USP28: variants seen among roughly 807,000 people sequenced by gnomAD.
The protein encoded by USP28 is ubiquitin specific peptidase 28, also known as ubiquitin carboxyl-terminal hydrolase 28.
Under a neutral mutation model 145.0 loss-of-function variants are expected in USP28, and 113 were observed. The observed-to-expected ratio is 0.78, with a 90% confidence interval of 0.67 to 0.91. USP28 has a LOEUF of 0.91. Among genes scored for constraint, USP28 ranks in the 40% least tolerant of loss-of-function variants. The pLI is 0.00. For missense variants in USP28, 1,201 were observed against 1,289.6 expected (o/e 0.93, Z 1.05); for synonymous variants, 447 against 450.9 (o/e 0.99, Z 0.11).
intron 3 of USP28, among the ~76,000 whole-genome samples, chr11:113,850,771 T>C (rs950425190): frequency 1.7e-4 from 26 of 152,260 alleles, no homozygotes; most frequent in African/African-American, 6.3e-4. Context: ...ACCCACTCCC[T>C]TGGAGAGCTC....
At chr11:113,816,819 A>G (rs1591210886) in intron 13 of USP28, among the ~76,000 whole-genome samples, 1 of 152,344 alleles carries the variant, frequency 6.6e-6, no homozygotes, top group East Asian at 1.9e-4. Flanking sequence ...AAAATTAAAA[A>G]ATTTAAGTAG....
At chr11:113,797,924 A>G (rs1215525811) in exon 25 of USP28, 1 of 152,596 alleles carries the variant, frequency 6.6e-6, no homozygotes, top group East Asian at 1.9e-4. Flanking sequence ...TAGTTGTATC[A>G]ATTTTTTTCC....
chr11:113,827,458 G>A, intron 10 of USP28, 98 bp from the exon 11 acceptor site: 5 of 1,306,632 alleles, frequency 3.8e-6, no homozygotes, highest in Admixed American at 3.0e-5. Flanking sequence ...TTCTTCCTTT[G>A]GTATAGAACT....
At chr11:113,839,507 C>A (rs959849116) in intron 5 of USP28, among the ~76,000 whole-genome samples, 2 of 152,122 alleles carry the variant, frequency 1.3e-5, no homozygotes, top group African/African-American at 4.8e-5. Context: ...ATCCCTTGAA[C>A]CTGGGAGGCA....
exon 19 of USP28, chr11:113,806,550 A>G (rs923281222): frequency 1.8e-5 from 29 of 1,600,646 alleles, no homozygotes; most frequent in Non-Finnish European, 2.4e-5. Flanking sequence ...AGCTATGGCC[A>G]GGATGACCCC....
Position 113,854,215 on chromosome 11 carries a change from G to A in USP28, c.135+43C>T, listed in dbSNP as rs200057772. The A allele has an allele frequency of 2.1e-4, 328 of 1,536,560 alleles. No individual in the cohort carries two copies. In the African/African-American group the frequency reaches 4.1e-3, roughly 19 times the overall value. On this transcript the variant is annotated intron_variant, in intron 2 of 24. Coordinates refer to ENST00000003302, the Ensembl canonical transcript of USP28. ...AACTGACATAACTATAATATAGACA[G>A]CTGCTTTAAAGCCTCCTGACTAACA...
chr11:113,847,095 C>G (rs1945944553), intron 3 of USP28, among the ~76,000 whole-genome samples: 1 of 151,736 alleles, frequency 6.6e-6, no homozygotes, highest in Non-Finnish European at 1.5e-5. Context: ...TTATTTTTAC[C>G]AAAATAATGA....
intron 5 of USP28, among the ~76,000 whole-genome samples, 200 bp downstream of exon 5, chr11:113,840,398 T>A (rs550789264): frequency 6.6e-6 from 1 of 152,308 alleles, no homozygotes; most frequent in Non-Finnish European, 1.5e-5. Context: ...TTCAATATAT[T>A]TACAACCACA....
chr11:113,871,507 C>T (rs1374349517), intron 1 of USP28, among the ~76,000 whole-genome samples: 2 of 152,200 alleles, frequency 1.3e-5, no homozygotes, highest in Admixed American at 6.5e-5. Context: ...CTACGCACTA[C>T]ATTCCAGTAG....
chr11:113,823,524 GAGTTAATTTTTAAAGAAAAACAAATTATC>G, intron 12 of USP28, 52 bp downstream of exon 12: 1 of 1,091,398 alleles, frequency 9.2e-7, no homozygotes, highest in Admixed American at 2.6e-5. Flanking sequence ...TTTAAACGTT[GAGTTAATTTTTAAAGAAAAACAAATTATC>G]TGTTTTTAAT....
At chr11:113,813,982 T>G (rs766679709) in intron 14 of USP28, 27 bp from the exon 15 acceptor site, 1 of 1,541,946 alleles carries the variant, frequency 6.5e-7, no homozygotes, top group Non-Finnish European at 8.9e-7. Flanking sequence ...AAACAAAAGC[T>G]TCACTAAAAT....
intron 1 of USP28, among the ~76,000 whole-genome samples, chr11:113,867,989 CTTTAG>C (rs1948463159): frequency 6.6e-6 from 1 of 152,104 alleles, no homozygotes; most frequent in Non-Finnish European, 1.5e-5. Context: ...TGAGGCAGAT[CTTTAG>C]TTTGGTTTTG....
At chr11:113,873,110 G>T (rs1948998880) in intron 1 of USP28, among the ~76,000 whole-genome samples, 2 of 152,094 alleles carry the variant, frequency 1.3e-5, no homozygotes, top group Non-Finnish European at 2.9e-5. Context: ...ATCCTTTAAG[G>T]GAAAGGTAGA....
At chr11:113,804,587 A>T in intron 21 of USP28, 86 bp downstream of exon 22, 1 of 1,207,596 alleles carries the variant, frequency 8.3e-7, no homozygotes, top group Non-Finnish European at 1.2e-6. Context: ...AGTTTGTAAT[A>T]GCACAAAATT....
At chr11:113,853,257 T>C (rs1276148631) in intron 2 of USP28, among the ~76,000 whole-genome samples, 3 of 120,166 alleles carry the variant, frequency 2.5e-5, no homozygotes, top group South Asian at 5.8e-4. Context: ...ATCACACCAC[T>C]GCACTGCAGG....
intron 12 of USP28, among the ~76,000 whole-genome samples, chr11:113,823,274 G>T (rs1490193910): frequency 6.6e-6 from 1 of 152,112 alleles, no homozygotes; most frequent in Admixed American, 6.6e-5. Context: ...CGGGACCATC[G>T]TGACACTTGC....
intron 14 of USP28, among the ~76,000 whole-genome samples, 168 bp from the exon 15 acceptor site, chr11:113,814,123 G>GA (rs1941378431): frequency 6.6e-6 from 1 of 152,220 alleles, no homozygotes; most frequent in Non-Finnish European, 1.5e-5. Context: ...TTTAGGTTAT[G>GA]AAAGCTTTTA....
At chr11:113,830,936 T>C in exon 9 of USP28, 1 of 1,614,052 alleles carries the variant, frequency 6.2e-7, no homozygotes, top group African/African-American at 1.3e-5. Flanking sequence ...GATTTGTTCC[T>C]GGGACTGCTG....
intron 12 of USP28, among the ~76,000 whole-genome samples, chr11:113,819,974 C>A (rs1942362828): frequency 6.6e-6 from 1 of 152,178 alleles, no homozygotes; most frequent in Non-Finnish European, 1.5e-5. Context: ...CGCGCCCGGC[C>A]AGACTAAAAA....
Sources: allele counts gnomAD v4.1 joint callset (sites outside exome capture counted in the v4.1 genomes callset), GRCh38; gene constraint gnomAD v4.1.1; transcripts MANE v1.5; gene names NCBI Gene and HGNC (gene_info 2026-07-23, HGNC 2026-07-21).